The following ACSBG1 variants were observed in gnomAD, a reference collection of about 807,000 sequenced individuals.
ACSBG1 encodes acyl-CoA synthetase bubblegum family member 1.
Under a neutral mutation model 80.2 loss-of-function variants are expected in ACSBG1, and 39 were observed. The observed-to-expected ratio is 0.49, with a 90% CI of 0.38 to 0.64. The LOEUF (loss-of-function observed/expected upper bound fraction) is 0.64, where lower values mean the gene tolerates loss of function less well. ACSBG1 is among the 30% of genes least tolerant of loss of function. The probability of loss-of-function intolerance (pLI) is 0.00; values close to 1 mark genes in which losing one functional copy is unlikely to be tolerated. For missense variants in ACSBG1, 828 were observed against 966.4 expected, an observed-to-expected ratio of 0.86 and a Z score of 1.90; for synonymous variants, 392 against 379.5, an observed-to-expected ratio of 1.03 and a Z score of -0.38.
intron 1 of ACSBG1, among the ~76,000 whole-genome samples, chr15:78,222,689 C>T (rs974288906): frequency 6.6e-6 from 1 of 152,052 alleles, no homozygotes; most frequent in Non-Finnish European, 1.5e-5. Flanking sequence ...TTAAAAGCAA[C>T]CAAAGCAGAC....
intron 1 of ACSBG1, among the ~76,000 whole-genome samples, chr15:78,217,013 A>T (rs550550679): frequency 6.6e-6 from 1 of 152,118 alleles, no homozygotes; most frequent in East Asian, 1.9e-4. Context: ...TCATTCTGGG[A>T]CTCTGTTTCC....
intron 1 of ACSBG1, among the ~76,000 whole-genome samples, chr15:78,219,063 C>G (rs958288384): frequency 6.6e-6 from 1 of 152,104 alleles, no homozygotes; most frequent in South Asian, 2.1e-4. Context: ...CTGCCCACCT[C>G]GGCCTCCCAA....
chr15:78,229,446 C>T (rs1020303365), intron 1 of ACSBG1, among the ~76,000 whole-genome samples: 4 of 152,198 alleles, frequency 2.6e-5, no homozygotes, highest in Admixed American at 1.3e-4. Context: ...GATTGCCCCT[C>T]GTAGGCTAGC....
Position 78,178,953 on chromosome 15 carries a change from C to CT in ACSBG1, c.1485-123dup. 1 of 1,021,800 alleles carries CT rather than the reference C, an allele frequency of 9.8e-7. No individual in the cohort carries two copies. Among genetic ancestry groups the CT allele is most frequent in the Non-Finnish European group, 1.4e-6 (1 of 721,482 alleles). The allele number at this position is 1,021,800 out of a possible 1,614,324, so 63.3% of individuals were successfully genotyped here. A position where few individuals can be genotyped will look rare whatever the true frequency, so the allele number is the denominator to read the frequency against. On this transcript the variant is annotated intron_variant, in intron 10 of 13. Transcript: ENST00000258873. The surrounding 1 kb of genome is among the most constrained non-coding windows in gnomAD (Gnocchi z 4.3). ...TGCTAGAAGGTATCCCCTCACAGGG[C>CT]TTTTGTATTTTTACAGGGGACTTAC... is the stretch of plus-strand genomic sequence containing the variant.
intron 1 of ACSBG1, among the ~76,000 whole-genome samples, chr15:78,222,718 G>C (rs1249376603): frequency 6.6e-6 from 1 of 152,078 alleles, no homozygotes; most frequent in Non-Finnish European, 1.5e-5. Context: ...GGATGGGGTG[G>C]GGAGGACATA....
intron 1 of ACSBG1, among the ~76,000 whole-genome samples, chr15:78,232,997 T>C (rs529714896): frequency 6.6e-6 from 1 of 152,344 alleles, no homozygotes; most frequent in African/African-American, 2.4e-5. Flanking sequence ...CATATTTCGA[T>C]GTGCTCCTCT....
In ACSBG1 at chr15:78,182,611, T is replaced by A; in HGVS notation, c.749A>T (p.Glu250Val). ...PNKMANVYTM[E>V]EFMELGNEVP... ...TTCATTCCCCAGCTCCATGAATTCC[T>A]CCATCTGTAGCCAGATGCAGGGAGC... The change falls in exon 7 of 14, where the codon GAG becomes GTG. Residue 250 changes from glutamate (E) to valine (V), a missense_variant. Physicochemically the swap from Glu to Val is moderately radical, Grantham distance 121. This residue lies in a region of ACSBG1 where 356 missense variants were observed against 363.5 expected (regional missense o/e 0.98). Coordinates refer to ENST00000258873, the MANE Select transcript of ACSBG1 (RefSeq NM_015162.5). 6.2e-7 allele frequency: 1 copy of A among 1,613,988 alleles called. No homozygotes were observed. The highest frequency in any genetic ancestry group is 2.2e-5 in the East Asian group (1 of 44,868).
At chr15:78,225,433 A>AAATAAAT (rs1491288043) in intron 1 of ACSBG1, among the ~76,000 whole-genome samples, 5 of 146,976 alleles carry the variant, frequency 3.4e-5, no homozygotes, top group African/African-American at 1.0e-4. Context: ...ATAAATAAAT[A>AAATAAAT]AAAATAAATT....
chr15:78,216,329 G>T (rs150009607), intron 1 of ACSBG1, among the ~76,000 whole-genome samples: 12 of 152,308 alleles, frequency 7.9e-5, no homozygotes, highest in African/African-American at 2.9e-4. Flanking sequence ...TCTTTGCAGG[G>T]TTGCTGGGCC....
chr15:78,188,340 G>A (rs1211129653), intron 5 of ACSBG1, among the ~76,000 whole-genome samples: 2 of 151,870 alleles, frequency 1.3e-5, no homozygotes, highest in African/African-American at 4.8e-5. Flanking sequence ...AGTTCATATG[G>A]AACCAAAAAA....
chr15:78,230,556 T>C (rs1455430305), intron 1 of ACSBG1, among the ~76,000 whole-genome samples: 5 of 152,228 alleles, frequency 3.3e-5, no homozygotes, highest in African/African-American at 1.2e-4. Context: ...TCTGATATGG[T>C]CTGGCTGTGT....
rs771434592 is a variant in ACSBG1 at position 78,182,043 on chromosome 15, C to T, written c.997G>A (p.Ala333Thr). 1.9e-5 allele frequency: 31 copies of T among 1,613,980 alleles called. No homozygotes were observed. The highest frequency in any genetic ancestry group is 2.2e-5 in the East Asian group (1 of 44,890). The change falls in exon 8 of 14, where the codon GCC becomes ACC. Residue 333 changes from alanine to threonine, a missense_variant. By Grantham distance (58) the Ala-to-Thr change is moderately conservative. Transcript: ENST00000258873. ...CCTGTCCACAGGTCGTAGATCTGGGCGGCAATATGGCTGAGGGGCAGGTAG... is the reference window on the plus strand; with the variant it reads ...CCTGTCCACAGGTCGTAGATCTGGGTGGCAATATGGCTGAGGGGCAGGTAG... The part of the protein sequence containing the change: ...VSYLPLSHIA[A>T]QIYDLWTGIQ...
At chr15:78,220,773 C>T (rs577056159) in intron 1 of ACSBG1, among the ~76,000 whole-genome samples, 1 of 152,302 alleles carries the variant, frequency 6.6e-6, no homozygotes, top group South Asian at 2.1e-4. Flanking sequence ...TTAGATAGCA[C>T]TTCATGCCTG....
At position 78,182,449 on chromosome 15, in the gene ACSBG1, C is replaced by T. The variant is rs1299242676; in HGVS notation, c.894+17G>A. On this transcript the variant is annotated intron_variant, in intron 7 of 13. Coordinates refer to ENST00000258873, the MANE Select transcript of ACSBG1 (RefSeq NM_015162.5). ...ACCCCCTTGCACCCCCCCCACCCCA[C>T]CGGGCATCTGTCCTACATTGTCTTG... The T allele has an allele frequency of 6.2e-7, 1 of 1,613,458 alleles. No homozygotes were observed. The highest frequency in any genetic ancestry group is 8.5e-7 in the Non-Finnish European group (1 of 1,179,856).
chr15:78,181,448 C>T (rs1030673222), intron 8 of ACSBG1, among the ~76,000 whole-genome samples: 1 of 150,684 alleles, frequency 6.6e-6, no homozygotes, highest in Admixed American at 6.6e-5. Flanking sequence ...ACAAGTCCCG[C>T]GAACCACTCT....
chr15:78,227,425 T>C (rs1314904751), intron 1 of ACSBG1, among the ~76,000 whole-genome samples: 4 of 151,914 alleles, frequency 2.6e-5, no homozygotes, highest in African/African-American at 9.7e-5. Flanking sequence ...AAAGAAGACA[T>C]GGAAATAACC....
In ACSBG1 at chr15:78,189,682, T is replaced by G. The variant is rs539106169; in HGVS notation, c.663+3824A>C. ...CTCTGGGGACTGTTGTGGGGTGGGG[T>G]GAGGGGGGAGGGATAGCTTTAGGAG... is the stretch of plus-strand genomic sequence containing the variant. On this transcript the variant is annotated intron_variant, in intron 5 of 13. Transcript: ENST00000258873. Among the ~76,000 whole-genome samples the G allele has an allele frequency of 2.1e-3, 239 of 112,260 alleles. 1 individual carries two copies. Among genetic ancestry groups the G allele is most frequent in the African/African-American group, 5.2e-3 (146 of 28,204 alleles). The allele number at this position is 112,260 out of a possible 152,430, so 73.6% of individuals were successfully genotyped here.
intron 5 of ACSBG1, among the ~76,000 whole-genome samples, chr15:78,189,262 C>G (rs35815730): frequency 0.47 from 68,324 of 144,280 alleles, 16,759 homozygotes; most frequent in Middle Eastern, 0.56. Context: ...AGTCAGTGTG[C>G]CGATTCCTCA....
At chr15:78,191,121 T>G (rs2075053240) in intron 5 of ACSBG1, among the ~76,000 whole-genome samples, 1 of 152,224 alleles carries the variant, frequency 6.6e-6, no homozygotes, top group Admixed American at 6.5e-5. Context: ...TATATTAATT[T>G]GAGGCAAAAT....
Sources: allele counts gnomAD v4.1 joint callset (sites outside exome capture counted in the v4.1 genomes callset), GRCh38; gene constraint gnomAD v4.1.1; regional missense constraint gnomAD v4.1.1; non-coding constraint Gnocchi (gnomAD v3.1); transcripts MANE v1.5; gene names NCBI Gene and HGNC (gene_info 2026-07-23, HGNC 2026-07-21).